The following FBXL2 variants were observed in gnomAD, a reference collection of about 807,000 sequenced individuals.
FBXL2 encodes F-box/LRR-repeat protein 2.
In FBXL2, 38 loss-of-function variants were observed where a neutral mutation model predicts 69.2. That is an observed-to-expected ratio of 0.55 (90% CI 0.42 to 0.72). FBXL2 has a LOEUF of 0.72. Ranked by LOEUF, FBXL2 falls within the 30% of genes least tolerant of loss-of-function variation. The probability of loss-of-function intolerance (pLI) is 0.00; values close to 1 mark genes in which losing one functional copy is unlikely to be tolerated. For missense variants in FBXL2, 354 were observed against 520.3 expected (o/e 0.68, Z 3.11); for synonymous variants, 192 against 201.3 (o/e 0.95, Z 0.39).
chr3:33,311,444 A>G (rs916061870), intron 2 of FBXL2, among the ~76,000 whole-genome samples: 3 of 152,088 alleles, frequency 2.0e-5, no homozygotes, highest in African/African-American at 7.2e-5. Flanking sequence ...GTGCCTCATA[A>G]TTCTGATAGG....
intron 2 of FBXL2, among the ~76,000 whole-genome samples, chr3:33,326,978 T>C (rs1475895094): frequency 6.6e-6 from 1 of 152,234 alleles, no homozygotes; most frequent in Non-Finnish European, 1.5e-5. Flanking sequence ...GAACAACTGA[T>C]GTTCATGTAA....
At chr3:33,389,437 G>A (rs1157765660), downstream of FBXL2, 1 of 143,766 alleles carries the variant, frequency 7.0e-6, no homozygotes, top group Non-Finnish European at 1.5e-5. Flanking sequence ...CAATGTCTGG[G>A]GTAGGGCTTT....
chr3:33,321,487 G>A (rs1272590680), intron 2 of FBXL2, among the ~76,000 whole-genome samples: 1 of 152,094 alleles, frequency 6.6e-6, no homozygotes, highest in Non-Finnish European at 1.5e-5. Flanking sequence ...ATCTACTCTC[G>A]TGAGATTGGC....
rs934983781 is a variant in FBXL2, at chr3:33,387,113, A to G, written c.*1505A>G. 1 of 152,202 alleles carries G rather than the reference A, an allele frequency of 6.6e-6. No individual in the cohort carries two copies. The highest frequency in any genetic ancestry group is 1.5e-5 in the Non-Finnish European group (1 of 68,032). 9.4% of individuals were successfully genotyped at this position (152,202 alleles called of 1,614,324 possible). ...AGCATTAAAGTCATTTTATTGCCTT[A>G]TGATATATTCCAGTATTCCTTGGTC... is the stretch of plus-strand genomic sequence containing the variant. On this transcript the variant is annotated 3_prime_UTR_variant, in exon 15 of 15. Coordinates refer to ENST00000484457, the MANE Select transcript of FBXL2 (RefSeq NM_012157.5).
rs973197812 is a variant in FBXL2 at position 33,387,047 on chromosome 3, A to G, written c.*1439A>G. 1.3e-5 allele frequency: 2 copies of G among 151,574 alleles called. No individual in the cohort carries two copies. Among genetic ancestry groups the G allele is most frequent in the African/African-American group, 4.8e-5 (2 of 41,416 alleles). 9.4% of individuals were successfully genotyped at this position (151,574 alleles called of 1,614,324 possible). ...GAGAAGCAGATTATATATATATATA[A>G]TCTCCCCATAAACGGACTTAGCACA... On this transcript the variant is annotated 3_prime_UTR_variant, in exon 15 of 15. Coordinates refer to ENST00000484457, the MANE Select transcript of FBXL2 (RefSeq NM_012157.5).
intron 5 of FBXL2, among the ~76,000 whole-genome samples, chr3:33,367,069 G>A (rs746801769): frequency 2.6e-5 from 4 of 152,004 alleles, no homozygotes; most frequent in Non-Finnish European, 4.4e-5. Flanking sequence ...TTTTTTGGGG[G>A]AAGGTTTTTA....
At chr3:33,288,677 G>T (rs2034907288) in intron 1 of FBXL2, among the ~76,000 whole-genome samples, 1 of 152,160 alleles carries the variant, frequency 6.6e-6, no homozygotes. Flanking sequence ...AAACCAGTGG[G>T]GCTGGAGTGT....
intron 1 of FBXL2, among the ~76,000 whole-genome samples, chr3:33,290,862 A>G (rs561477045): frequency 2.3e-4 from 35 of 152,328 alleles, no homozygotes; most frequent in South Asian, 4.1e-4. Flanking sequence ...AGAAAAATAT[A>G]TATAAAGGTG....
chr3:33,328,908 A>G (rs2038936708), intron 2 of FBXL2, among the ~76,000 whole-genome samples: 1 of 152,138 alleles, frequency 6.6e-6, no homozygotes, highest in Non-Finnish European at 1.5e-5. Flanking sequence ...ACTATTCTGC[A>G]CAGCAAAGGA....
intron 2 of FBXL2, among the ~76,000 whole-genome samples, chr3:33,311,147 A>G (rs1425594896): frequency 6.6e-6 from 1 of 152,176 alleles, no homozygotes; most frequent in Non-Finnish European, 1.5e-5. Context: ...AAATTTGCTG[A>G]TAAGTGTATT....
In FBXL2 at chr3:33,361,275, G is replaced by A. The variant is rs553678972; in HGVS notation, c.195+1918G>A. On this transcript the variant is annotated intron_variant, in intron 4 of 14. Coordinates refer to ENST00000484457, the MANE Select transcript of FBXL2 (RefSeq NM_012157.5). ...TCCCAACACTGTGGGAGGCCATGGC[G>A]GGCAGATCACTGGAGCCCAGGAGTT... 9.5e-4 allele frequency among the ~76,000 whole-genome samples: 144 copies of A among 151,972 alleles called. 2 individuals carry two copies. The highest frequency in any genetic ancestry group is 3.5e-4 in the Non-Finnish European group (24 of 67,944).
chr3:33,286,845 G>A (rs1460125442), intron 1 of FBXL2, among the ~76,000 whole-genome samples: 1 of 152,208 alleles, frequency 6.6e-6, no homozygotes, highest in Non-Finnish European at 1.5e-5. Context: ...GCCAGGCGCG[G>A]GATATAATTT....
At chr3:33,375,193 AACCAAAACT>A in intron 9 of FBXL2, 86 bp from the exon 10 acceptor site, 1 of 1,500,880 alleles carries the variant, frequency 6.7e-7, no homozygotes. Flanking sequence ...AGTAATCAGC[AACCAAAACT>A]GAACAACAGC....
the FBXL2 span, among the ~76,000 whole-genome samples, chr3:33,409,905 C>T: frequency 6.6e-6 from 1 of 152,278 alleles, no homozygotes; most frequent in East Asian, 1.9e-4. Flanking sequence ...GTATACTGCC[C>T]ACCTCCACCT....
chr3:33,314,175 GACA>G (rs2125772484), intron 2 of FBXL2, among the ~76,000 whole-genome samples: 1 of 151,862 alleles, frequency 6.6e-6, no homozygotes, highest in African/African-American at 2.4e-5. Context: ...AGGTATACAT[GACA>G]ACATGATGAT....
chr3:33,409,668 CT>C, the FBXL2 span: 1 of 1,595,368 alleles, frequency 6.3e-7, no homozygotes, highest in Non-Finnish European at 8.6e-7. Context: ...ATTTTGTTCC[CT>C]CTTGAGTGAC....
Position 33,342,734 on chromosome 3 carries a change from T to TTTTTTTTTTC in FBXL2, c.66-16224_66-16223insCTTTTTTTTT, listed in dbSNP as rs1340724038. Among the ~76,000 whole-genome samples the TTTTTTTTTTC allele has an allele frequency of 1.7e-5, 2 of 119,166 alleles. 1 individual carries two copies. Among genetic ancestry groups the TTTTTTTTTTC allele is most frequent in the African/African-American group, 6.6e-5 (2 of 30,390 alleles). 78.2% of individuals were successfully genotyped at this position (119,166 alleles called of 152,430 possible). On this transcript the variant is annotated intron_variant, in intron 2 of 14. Coordinates refer to ENST00000484457, the MANE Select transcript of FBXL2 (RefSeq NM_012157.5). ...TTCTTTTTTTTTTTTTTTTTTTTTT[T>TTTTTTTTTTC]TTTTTTTTTGAGACAGAGTCTCGCT...
At chr3:33,322,996 T>G (rs2038368078) in intron 2 of FBXL2, among the ~76,000 whole-genome samples, 1 of 152,222 alleles carries the variant, frequency 6.6e-6, no homozygotes, top group Non-Finnish European at 1.5e-5. Context: ...TCTCTGTTTC[T>G]CATTCAGAAT....
intron 2 of FBXL2, chr3:33,317,703 C>T (rs2037834814): frequency 3.1e-6 from 1 of 326,348 alleles, no homozygotes; most frequent in Non-Finnish European, 6.1e-6. Context: ...TTAACTCCAG[C>T]CTCAGAAAGG....
Sources: allele counts gnomAD v4.1 joint callset (sites outside exome capture counted in the v4.1 genomes callset), GRCh38; gene constraint gnomAD v4.1.1; transcripts MANE v1.5; gene names NCBI Gene and HGNC (gene_info 2026-07-23, HGNC 2026-07-21).